Variants in ARHGAP32 observed in about 807,000 individuals in gnomAD.
ARHGAP32 encodes Rho GTPase activating protein 32, also known as rho GTPase-activating protein 32.
In ARHGAP32, 51 loss-of-function variants were observed where a neutral mutation model predicts 186.5. That is an observed-to-expected ratio of 0.27 (90% CI 0.22 to 0.35). ARHGAP32 has a LOEUF of 0.35. Among genes scored for constraint, ARHGAP32 ranks in the 10% least tolerant of loss-of-function variants. The probability of loss-of-function intolerance (pLI) is 1.00; values close to 1 mark genes in which losing one functional copy is unlikely to be tolerated. For synonymous variants in ARHGAP32, 950 were observed against 964.3 expected (o/e 0.99, Z 0.27); for missense variants, 2,186 against 2,623.5 (o/e 0.83, Z 3.64).
chr11:129,174,758 A>C (rs1186795497), intron 1 of ARHGAP32, among the ~76,000 whole-genome samples: 1 of 152,138 alleles, frequency 6.6e-6, no homozygotes, highest in East Asian at 1.9e-4. Flanking sequence ...AAACTAACAA[A>C]CAGAAAGCAC....
At chr11:128,982,891 TAAAAAAAAAAAAAAA>T (rs34630708) in intron 15 of ARHGAP32, among the ~76,000 whole-genome samples, 21 of 66,410 alleles carry the variant, frequency 3.2e-4, no homozygotes, top group African/African-American at 1.3e-3. Flanking sequence ...ACCTTGTCTT[TAAAAAAAAAAAAAAA>T]AAAAAAAAAA....
chr11:129,217,786 CAT>C (rs1378991960), intron 1 of ARHGAP32, among the ~76,000 whole-genome samples: 1 of 152,172 alleles, frequency 6.6e-6, no homozygotes, highest in Non-Finnish European at 1.5e-5. Flanking sequence ...AAGAAATAGA[CAT>C]ATACACGTCA....
At chr11:129,069,263 T>A (rs1030375500) in intron 6 of ARHGAP32, among the ~76,000 whole-genome samples, 9 of 152,106 alleles carry the variant, frequency 5.9e-5, no homozygotes, top group African/African-American at 2.2e-4. Flanking sequence ...AGCTTGGCTC[T>A]AGGACCACAA....
intron 1 of ARHGAP32, among the ~76,000 whole-genome samples, chr11:129,210,115 T>C (rs1358984410): frequency 2.0e-5 from 3 of 152,082 alleles, no homozygotes; most frequent in Non-Finnish European, 4.4e-5. Context: ...TCTATGACAA[T>C]AAAGAAGAAT....
intron 6 of ARHGAP32, among the ~76,000 whole-genome samples, chr11:129,077,398 T>G (rs1463479346): frequency 6.6e-6 from 1 of 152,112 alleles, no homozygotes; most frequent in Non-Finnish European, 1.5e-5. Context: ...GCTTGTAGCC[T>G]GGGGCAAGAT....
rs969121682 is a variant in ARHGAP32, at chr11:128,965,630, T to G, written c.*3277A>C. On this transcript the variant is annotated 3_prime_UTR_variant, in exon 23 of 23. Transcript: ENST00000682385. ...TTTCTGTAACACACAGTGCTGAAAATCACATGCCTCTAACCATGTGGAAGA... is the reference window on the plus strand; with the variant it reads ...TTTCTGTAACACACAGTGCTGAAAAGCACATGCCTCTAACCATGTGGAAGA... 1.3e-5 allele frequency: 2 copies of G among 152,178 alleles called. No homozygotes were observed. Among genetic ancestry groups the G allele is most frequent in the African/African-American group, 4.8e-5 (2 of 41,436 alleles). The allele number at this position is 152,178 out of a possible 1,614,324, so 9.4% of individuals were successfully genotyped here. A position where few individuals can be genotyped will look rare whatever the true frequency, so the allele number is the denominator to read the frequency against.
intron 5 of ARHGAP32, among the ~76,000 whole-genome samples, chr11:129,122,802 CT>C (rs532206547): frequency 6.6e-6 from 1 of 151,832 alleles, no homozygotes; most frequent in Non-Finnish European, 1.5e-5. Context: ...GAAATCAAGA[CT>C]TTTTTTTCTA....
intron 16 of ARHGAP32, 70 bp from the exon 17 acceptor site, chr11:128,981,631 T>A: frequency 6.7e-7 from 1 of 1,492,156 alleles, no homozygotes; most frequent in East Asian, 2.3e-5. Context: ...TTTTTAAACG[T>A]GTAAATCTCA....
At chr11:129,252,952 T>A (rs1012888009) in intron 1 of ARHGAP32, among the ~76,000 whole-genome samples, 3 of 151,746 alleles carry the variant, frequency 2.0e-5, no homozygotes, top group African/African-American at 7.3e-5. Context: ...GGCTTGAAAA[T>A]AGAGGAAGAA....
chr11:129,152,921 A>G (rs2439805), intron 2 of ARHGAP32, among the ~76,000 whole-genome samples: 131,565 of 152,118 alleles, frequency 0.86, 57,020 homozygotes, highest in African/African-American at 0.89. Context: ...AAAGGTGTCC[A>G]AATCAGTAAA....
chr11:129,182,911 A>G (rs955513938), intron 1 of ARHGAP32, among the ~76,000 whole-genome samples: 6 of 151,914 alleles, frequency 3.9e-5, no homozygotes, highest in Non-Finnish European at 8.8e-5. Context: ...GCCTCCCAAA[A>G]TGCTGGGATT....
At chr11:129,150,311 T>G (rs1943262036) in intron 2 of ARHGAP32, among the ~76,000 whole-genome samples, 1 of 151,952 alleles carries the variant, frequency 6.6e-6, no homozygotes, top group Non-Finnish European at 1.5e-5. Context: ...TACAAAAAGC[T>G]CAAAGAACAC....
upstream of ARHGAP32, among the ~76,000 whole-genome samples, chr11:129,193,689 TTA>T (rs556754862): frequency 4.1e-5 from 1 of 24,420 alleles, no homozygotes; most frequent in Non-Finnish European, 7.5e-5. Context: ...ATAATATATA[TTA>T]TATAATATAT....
intron 2 of ARHGAP32, among the ~76,000 whole-genome samples, chr11:129,145,044 A>G (rs140161126): frequency 4.5e-4 from 69 of 152,248 alleles, no homozygotes; most frequent in African/African-American, 1.6e-3. Context: ...ACTGAGATTC[A>G]TCCTTTCCTT....
chr11:128,993,648 A>G (rs746132759), intron 12 of ARHGAP32, among the ~76,000 whole-genome samples: 4 of 151,760 alleles, frequency 2.6e-5, no homozygotes, highest in Non-Finnish European at 4.4e-5. Context: ...ATATATACAC[A>G]CATATGATAT....
chr11:129,211,190 T>C (rs1341894546), intron 1 of ARHGAP32, among the ~76,000 whole-genome samples: 5 of 152,152 alleles, frequency 3.3e-5, no homozygotes, highest in South Asian at 2.1e-4. Flanking sequence ...TAACTAACTG[T>C]TTTTAACTAA....
intron 15 of ARHGAP32, among the ~76,000 whole-genome samples, chr11:128,983,686 GC>G (rs1945781292): frequency 6.7e-6 from 1 of 150,040 alleles, no homozygotes; most frequent in African/African-American, 2.4e-5. Context: ...AGGCTCCTCA[GC>G]CAAAAAAAAA....
At chr11:129,153,021 T>A (rs936140324) in intron 2 of ARHGAP32, among the ~76,000 whole-genome samples, 1 of 152,026 alleles carries the variant, frequency 6.6e-6, no homozygotes, top group Non-Finnish European at 1.5e-5. Context: ...CCAGATCTGA[T>A]AAATAGATTC....
upstream of ARHGAP32, among the ~76,000 whole-genome samples, chr11:129,197,225 T>C (rs1279472639): frequency 1.3e-5 from 2 of 152,198 alleles, no homozygotes; most frequent in African/African-American, 2.4e-5. Context: ...GGATGGGCCA[T>C]GATACTGCTG....
Sources: gnomAD v4.1 joint callset for allele counts (sites outside exome capture counted in the v4.1 genomes callset) on GRCh38, gnomAD v4.1.1 for gene constraint, MANE v1.5 for transcripts, NCBI Gene and HGNC (gene_info 2026-07-23, HGNC 2026-07-21) for gene names.